The following RAD51B variants were observed in gnomAD, a reference collection of about 807,000 sequenced individuals.
The protein encoded by RAD51B is DNA repair protein RAD51 homolog 2.
A neutral mutation model predicts 42.2 loss-of-function variants in RAD51B; 38 were observed. The observed-to-expected ratio is 0.90, with a 90% CI of 0.70 to 1.18. RAD51B has a LOEUF of 1.18. Among genes scored for constraint, RAD51B ranks in the 50% most tolerant of loss-of-function variants. The probability of loss-of-function intolerance (pLI) is 0.00; values close to 1 mark genes in which losing one functional copy is unlikely to be tolerated. For missense variants in RAD51B, 373 were observed against 400.7 expected, an observed-to-expected ratio of 0.93 and a Z score of 0.59; for synonymous variants, 154 against 145.2, an observed-to-expected ratio of 1.06 and a Z score of -0.43.
rs113251282 is a variant in RAD51B at position 67,835,646 on chromosome 14, A to G, written c.315+450A>G. On this transcript the variant is annotated intron_variant, in intron 4 of 10. Transcript: ENST00000471583. ...TATATATGATTATATCATGCCTGTAATCCCAGCACTTTGAGCAACAAGGCA... is the reference window on the plus strand; with the variant it reads ...TATATATGATTATATCATGCCTGTAGTCCCAGCACTTTGAGCAACAAGGCA... 1.1e-3 allele frequency among the ~76,000 whole-genome samples: 171 copies of G among 151,624 alleles called. 1 individual carries two copies. The highest frequency in any genetic ancestry group is 4.0e-3 in the African/African-American group (167 of 41,410).
chr14:68,127,156 TTATC>T (rs1293230253), intron 7 of RAD51B, among the ~76,000 whole-genome samples: 5 of 152,156 alleles, frequency 3.3e-5, no homozygotes, highest in Admixed American at 2.6e-4. Flanking sequence ...CTCTCCCTAT[TTATC>T]ATGGAAATCA....
chr14:68,380,091 G>C (rs142182700), intron 8 of RAD51B, among the ~76,000 whole-genome samples: 12 of 152,182 alleles, frequency 7.9e-5, no homozygotes, highest in Non-Finnish European at 1.2e-4. Context: ...CTTTTATTTT[G>C]CTGTCATTCT....
At chr14:68,281,385 A>T (rs1458630655) in intron 7 of RAD51B, among the ~76,000 whole-genome samples, 1 of 152,226 alleles carries the variant, frequency 6.6e-6, no homozygotes, top group African/African-American at 2.4e-5. Flanking sequence ...TTATATGCTA[A>T]CTCATTTATC....
At chr14:68,184,274 C>T (rs1323134403) in intron 7 of RAD51B, among the ~76,000 whole-genome samples, 2 of 151,964 alleles carry the variant, frequency 1.3e-5, no homozygotes, top group African/African-American at 2.4e-5. Context: ...CTCACTGTCT[C>T]ATCCAGGCTG....
chr14:68,351,589 T>A (rs769325663), intron 8 of RAD51B, among the ~76,000 whole-genome samples: 2 of 151,758 alleles, frequency 1.3e-5, no homozygotes, highest in Non-Finnish European at 2.9e-5. Flanking sequence ...TACAGGAGAG[T>A]GGAACATACT....
intron 7 of RAD51B, among the ~76,000 whole-genome samples, chr14:68,196,498 A>G (rs1225828759): frequency 1.3e-5 from 2 of 152,038 alleles, no homozygotes; most frequent in African/African-American, 4.8e-5. Context: ...TTTCCTCTCC[A>G]TGGAATAATA....
chr14:67,846,136 T>C (rs540354067), intron 4 of RAD51B, among the ~76,000 whole-genome samples: 9 of 152,214 alleles, frequency 5.9e-5, no homozygotes, highest in Admixed American at 3.3e-4. Context: ...AGCTGCGTTA[T>C]GGTGGGATGC....
chr14:67,971,230 G>A (rs951753328), intron 7 of RAD51B, among the ~76,000 whole-genome samples: 6 of 151,810 alleles, frequency 4.0e-5, no homozygotes, highest in African/African-American at 7.2e-5. Context: ...CTTATTCAAC[G>A]GTTACATGCG....
intron 10 of RAD51B, among the ~76,000 whole-genome samples, chr14:68,515,946 C>T (rs557689041): frequency 2.4e-4 from 37 of 151,864 alleles, no homozygotes; most frequent in Non-Finnish European, 3.7e-4. Context: ...CCACCATGCC[C>T]GGGTAATTTT....
intron 7 of RAD51B, among the ~76,000 whole-genome samples, chr14:68,066,457 GA>G (rs1188801334): frequency 1.3e-5 from 2 of 152,202 alleles, no homozygotes; most frequent in Non-Finnish European, 2.9e-5. Flanking sequence ...GAATTAGGGA[GA>G]AGATGGTTCA....
At position 68,566,656 on chromosome 14, in the gene RAD51B, A is replaced by C. The variant is rs550141941; in HGVS notation, c.1037-27829A>C. Among the ~76,000 whole-genome samples, 4 of 150,092 alleles carry C rather than the reference A, an allele frequency of 2.7e-5. No homozygotes were observed. The South Asian group carries it at 8.5e-4, about 32-fold the overall frequency. ...GCATACACCTACCAAGCTGGGAGAA[A>C]CCCCCCCGGTGCCTCAGTGACTGGG... On this transcript the variant is annotated intron_variant, in intron 10 of 10. Coordinates refer to the RAD51B transcript ENST00000487270.
chr14:68,152,857 ATTTTCT>A (rs1488402524), intron 7 of RAD51B, among the ~76,000 whole-genome samples: 1 of 151,022 alleles, frequency 6.6e-6, no homozygotes, highest in Admixed American at 6.6e-5. Context: ...ATGTGATTTG[ATTTTCT>A]TTTTCTGTGT....
rs907205713 is a variant in RAD51B at position 68,549,685 on chromosome 14, A to T, written c.1037-44800A>T. 5.3e-5 allele frequency among the ~76,000 whole-genome samples: 8 copies of T among 150,424 alleles called. No individual in the cohort carries two copies. The East Asian group carries it at 8.0e-4, about 15-fold the overall frequency. On this transcript the variant is annotated intron_variant, in intron 10 of 10. Coordinates refer to the RAD51B transcript ENST00000487270. Reference sequence around the variant, plus strand: ...CGTCTCGGCCTCCCAAAGTGCTGGGATTACAGGCGTGAGCCACCGCGCCCG... The same window carrying T: ...CGTCTCGGCCTCCCAAAGTGCTGGGTTTACAGGCGTGAGCCACCGCGCCCG...
At chr14:68,385,856 A>G (rs569472512) in intron 8 of RAD51B, among the ~76,000 whole-genome samples, 75 of 152,348 alleles carry the variant, frequency 4.9e-4, no homozygotes, top group Non-Finnish European at 8.5e-4. Flanking sequence ...AACATATGCA[A>G]TCCCATTTAT....
chr14:68,091,011 T>C (rs889709452), intron 7 of RAD51B, among the ~76,000 whole-genome samples: 2 of 151,892 alleles, frequency 1.3e-5, no homozygotes, highest in Non-Finnish European at 2.9e-5. Context: ...TTCATCCATG[T>C]CCCTACAAAG....
At chr14:67,948,286 G>A (rs2045465609) in intron 7 of RAD51B, among the ~76,000 whole-genome samples, 1 of 152,150 alleles carries the variant, frequency 6.6e-6, no homozygotes, top group Non-Finnish European at 1.5e-5. Context: ...TCAGAGAGGA[G>A]ACATTTTGAA....
intron 7 of RAD51B, chr14:68,125,474 G>A (rs765726253): frequency 8.5e-5 from 13 of 152,212 alleles, no homozygotes; most frequent in Admixed American, 2.6e-4. Context: ...AGTGCCCTGT[G>A]TTCATCTGAA....
At chr14:68,513,455 C>A (rs1885896938) in intron 10 of RAD51B, among the ~76,000 whole-genome samples, 1 of 152,244 alleles carries the variant, frequency 6.6e-6, no homozygotes, top group African/African-American at 2.4e-5. Context: ...ATGGTGGGCT[C>A]TGGGAAGTTA....
chr14:68,501,905 T>G (rs1220504456), intron 10 of RAD51B, among the ~76,000 whole-genome samples: 1 of 152,262 alleles, frequency 6.6e-6, no homozygotes, highest in East Asian at 1.9e-4. Context: ...GCCTTAGCCT[T>G]CAAAGGTAGA....
Sources: gnomAD v4.1 joint callset for allele counts (sites outside exome capture counted in the v4.1 genomes callset) on GRCh38, gnomAD v4.1.1 for gene constraint, MANE v1.5 for transcripts, NCBI Gene and HGNC (gene_info 2026-07-23, HGNC 2026-07-21) for gene names.